Variants in KCNH7 observed in about 807,000 individuals in gnomAD.
KCNH7 encodes voltage-gated inwardly rectifying potassium channel KCNH7.
Under a neutral mutation model 120.8 loss-of-function variants are expected in KCNH7, and 49 were observed. The observed-to-expected ratio is 0.41, with a 90% confidence interval of 0.32 to 0.51. The LOEUF (loss-of-function observed/expected upper bound fraction) is 0.51, where lower values mean the gene tolerates loss of function less well. KCNH7 is among the 20% of genes least tolerant of loss of function. KCNH7 has a pLI of 0.38. For synonymous variants in KCNH7, 547 were observed against 516.1 expected (o/e 1.06, Z -0.81); for missense variants, 1,097 against 1,446.6 (o/e 0.76, Z 3.92).
chr2:162,497,652 A>C (rs995133869), intron 6 of KCNH7, among the ~76,000 whole-genome samples: 1 of 152,220 alleles, frequency 6.6e-6, no homozygotes, highest in East Asian at 1.9e-4. Flanking sequence ...AAATTACCTC[A>C]GTTTGAAGGC....
intron 7 of KCNH7, among the ~76,000 whole-genome samples, chr2:162,441,999 CTT>C (rs779418084): frequency 0.021 from 865 of 41,474 alleles, 53 homozygotes; most frequent in Admixed American, 0.21. Flanking sequence ...GTTAGGTCTT[CTT>C]TTTTTTTTTT....
intron 2 of KCNH7, among the ~76,000 whole-genome samples, chr2:162,752,909 A>AAAAGAAAAGAAAAGAAAAGG (rs1574342778): frequency 4.6e-5 from 2 of 43,132 alleles, no homozygotes; most frequent in East Asian, 1.2e-3. Context: ...TCAGAAAAAG[A>AAAAGAAAAGAAAAGAAAAGG]AAAGAAAAGA....
At chr2:162,569,705 A>G (rs4664484) in intron 2 of KCNH7, among the ~76,000 whole-genome samples, 85,125 of 151,612 alleles carry the variant, frequency 0.56, 24,419 homozygotes, top group Admixed American at 0.67. Flanking sequence ...CTTTGAATGC[A>G]TCCCATAGAT....
At chr2:162,426,533 A>G (rs1010957979) in intron 8 of KCNH7, among the ~76,000 whole-genome samples, 2 of 152,104 alleles carry the variant, frequency 1.3e-5, no homozygotes, top group African/African-American at 4.8e-5. Flanking sequence ...GCTTTAGTTT[A>G]GGTATTATAG....
At chr2:162,653,266 A>G (rs571546549) in intron 2 of KCNH7, among the ~76,000 whole-genome samples, 12 of 152,362 alleles carry the variant, frequency 7.9e-5, no homozygotes, top group African/African-American at 2.9e-4. Flanking sequence ...GGCAAGAGAA[A>G]GAAATAAAAA....
intron 2 of KCNH7, among the ~76,000 whole-genome samples, chr2:162,775,110 A>T (rs1397579142): frequency 2.0e-5 from 3 of 152,084 alleles, no homozygotes; most frequent in Non-Finnish European, 4.4e-5. Context: ...ACATATAACC[A>T]TATTGTTTGC....
At chr2:162,815,202 A>G (rs1379542959) in intron 2 of KCNH7, among the ~76,000 whole-genome samples, 1 of 152,216 alleles carries the variant, frequency 6.6e-6, no homozygotes, top group Non-Finnish European at 1.5e-5. Context: ...CCCTCAACTT[A>G]TTCTAAACAT....
intron 2 of KCNH7, among the ~76,000 whole-genome samples, chr2:162,667,055 C>T (rs1171883877): frequency 2.1e-5 from 3 of 144,356 alleles, no homozygotes; most frequent in African/African-American, 7.8e-5. Context: ...GATCTCACTC[C>T]ATCACCCAGG....
At chr2:162,687,601 T>C (rs1225970368) in intron 2 of KCNH7, among the ~76,000 whole-genome samples, 2 of 152,066 alleles carry the variant, frequency 1.3e-5, no homozygotes, top group Non-Finnish European at 2.9e-5. Context: ...ATCAGCTATG[T>C]TGGAAATATT....
intron 2 of KCNH7, among the ~76,000 whole-genome samples, chr2:162,690,987 A>G (rs573512281): frequency 6.6e-6 from 1 of 152,178 alleles, no homozygotes; most frequent in South Asian, 2.1e-4. Context: ...GATAGGGAGG[A>G]ATTTGTCTGC....
At chr2:162,681,826 T>TA (rs1685721175) in intron 2 of KCNH7, among the ~76,000 whole-genome samples, 1 of 149,990 alleles carries the variant, frequency 6.7e-6, no homozygotes. Context: ...TTTTTTTTTT[T>TA]ACTTTAAAAG....
At chr2:162,524,591 T>C (rs900136428) in intron 3 of KCNH7, among the ~76,000 whole-genome samples, 13 of 152,012 alleles carry the variant, frequency 8.6e-5, no homozygotes, top group Non-Finnish European at 2.9e-5. Flanking sequence ...GGTATCTGTG[T>C]ATCCTTCTAA....
chr2:162,749,372 TA>T (rs1211836824), intron 2 of KCNH7, among the ~76,000 whole-genome samples: 1 of 152,112 alleles, frequency 6.6e-6, no homozygotes, highest in East Asian at 1.9e-4. Context: ...GAGCGCAAAT[TA>T]AATATTAGAT....
intron 9 of KCNH7, among the ~76,000 whole-genome samples, chr2:162,403,285 G>C (rs1252694468): frequency 6.6e-6 from 1 of 151,900 alleles, no homozygotes; most frequent in African/African-American, 2.4e-5. Context: ...TATTGCCTCA[G>C]CAGAGTTTAA....
intron 7 of KCNH7, among the ~76,000 whole-genome samples, chr2:162,438,374 A>G (rs1357666861): frequency 1.3e-5 from 2 of 152,180 alleles, no homozygotes; most frequent in African/African-American, 2.4e-5. Context: ...AATCTATATG[A>G]CAGTAAGTTC....
chr2:162,422,841 A>T (rs1262895816), intron 9 of KCNH7, among the ~76,000 whole-genome samples: 1 of 152,172 alleles, frequency 6.6e-6, no homozygotes, highest in Non-Finnish European at 1.5e-5. Context: ...AAAAGTGTGA[A>T]ACTTCCTATC....
In KCNH7 at chr2:162,609,108, A is replaced by G. The variant is rs532536909; in HGVS notation, c.308-72028T>C. On this transcript the variant is annotated intron_variant, in intron 2 of 15. Coordinates refer to ENST00000332142, the MANE Select transcript of KCNH7 (RefSeq NM_033272.4). ...TTTCAAGGTTTTGCTGAGACATCACATTTTCAAAACAGACATTTCTGCCTT... is the reference window on the plus strand; with the variant it reads ...TTTCAAGGTTTTGCTGAGACATCACGTTTTCAAAACAGACATTTCTGCCTT... 2.0e-5 allele frequency among the ~76,000 whole-genome samples: 3 copies of G among 152,186 alleles called. No individual in the cohort carries two copies. In the South Asian group the frequency reaches 6.2e-4, roughly 32 times the overall value.
chr2:162,515,901 C>T (rs1372122107), intron 4 of KCNH7, among the ~76,000 whole-genome samples: 1 of 151,784 alleles, frequency 6.6e-6, no homozygotes, highest in Non-Finnish European at 1.5e-5. Context: ...CCAACTCTTC[C>T]TTTCACCTCT....
chr2:162,464,820 C>A (rs2105617147), intron 6 of KCNH7, among the ~76,000 whole-genome samples: 1 of 151,942 alleles, frequency 6.6e-6, no homozygotes, highest in African/African-American at 2.4e-5. Flanking sequence ...TGTGTTTAAC[C>A]CTCTCATATA....
Sources: allele counts gnomAD v4.1 joint callset (sites outside exome capture counted in the v4.1 genomes callset), GRCh38; gene constraint gnomAD v4.1.1; transcripts MANE v1.5; gene names NCBI Gene and HGNC (gene_info 2026-07-23, HGNC 2026-07-21).